DNAAF8: variants seen among roughly 807,000 people sequenced by gnomAD.
DNAAF8 encodes dynein axonemal assembly factor 8, also known as dynein axonemal-associated protein 1.
In DNAAF8, 61 loss-of-function variants were observed where a neutral mutation model predicts 54.6. The observed-to-expected ratio is 1.12, with a 90% CI of 0.91 to 1.38. The LOEUF is 1.38. Ranked by LOEUF, DNAAF8 falls within the 40% of genes most tolerant of loss-of-function variation. The pLI is 0.00. For synonymous variants in DNAAF8, 320 were observed against 270.1 expected (o/e 1.18, Z -1.81); for missense variants, 837 against 665.0 (o/e 1.26, Z -2.85).
Position 4,746,516 on chromosome 16 carries a change from C to A in DNAAF8, c.1181+4C>A. ...CAGACCACCTGTCCCCAGAAAGGTC[C>A]GGAGGGCAGTGACTACCCCATACCA... On this transcript the variant is annotated splice_donor_region_variant and intron_variant, in intron 7 of 9. Transcript: ENST00000299320. 1 of 1,612,394 alleles carries A rather than the reference C, an allele frequency of 6.2e-7. No homozygotes were observed. Among genetic ancestry groups the A allele is most frequent in the South Asian group, 1.1e-5 (1 of 90,930 alleles).
intron 9 of DNAAF8, chr16:4,748,373 G>A (rs2082045976): frequency 6.6e-6 from 1 of 152,036 alleles, no homozygotes; most frequent in Non-Finnish European, 1.5e-5. Flanking sequence ...TTTTGAAAGA[G>A]GAGTAACGAG....
At chr16:4,738,019 G>A (rs1301149097) in intron 3 of DNAAF8, 73 bp downstream of exon 3, 1 of 1,500,224 alleles carries the variant, frequency 6.7e-7, no homozygotes, top group Non-Finnish European at 9.1e-7. Flanking sequence ...CTAAACCACT[G>A]TTCTAGCATT....
intron 3 of DNAAF8, 113 bp downstream of exon 3, chr16:4,738,059 T>C (rs2081918143): frequency 4.6e-6 from 6 of 1,310,108 alleles, no homozygotes; most frequent in Admixed American, 2.7e-5. Context: ...TGGTCCTTTT[T>C]TTTTTCCCCC....
At chr16:4,744,403 G>T (rs1022344520) in intron 5 of DNAAF8, among the ~76,000 whole-genome samples, 9 of 152,150 alleles carry the variant, frequency 5.9e-5, no homozygotes, top group African/African-American at 2.2e-4. Flanking sequence ...GAGGAGTCCA[G>T]CTAGATCGTT....
chr16:4,743,434 T>G, intron 5 of DNAAF8: 27 of 257,934 alleles, frequency 1.0e-4, no homozygotes, highest in East Asian at 2.4e-4. Flanking sequence ...ATACCTCCTC[T>G]TCCCCACCTC....
At chr16:4,745,068 T>C (rs2081997167) in intron 6 of DNAAF8, 57 bp downstream of exon 6, 1 of 1,574,876 alleles carries the variant, frequency 6.3e-7, no homozygotes, top group Non-Finnish European at 8.7e-7. Flanking sequence ...CCCATGGTTT[T>C]GTAGCACTGA....
rs1251402694 is a variant in DNAAF8 at position 4,740,489 on chromosome 16, A to G, written c.613A>G (p.Lys205Glu). 6.2e-7 allele frequency: 1 copy of G among 1,614,068 alleles called. No homozygotes were observed. The highest frequency in any genetic ancestry group is 1.7e-5 in the Admixed American group (1 of 60,018). The change falls in exon 4 of 10, where the codon AAG becomes GAG. Residue 205 changes from lysine (K) to glutamate (E), a missense_variant. Physicochemically the swap from Lys to Glu is moderately conservative, Grantham distance 56. Coordinates refer to ENST00000299320, the MANE Select transcript of DNAAF8 (RefSeq NM_139170.3). ...CCGGGCCCTCCGACAGGAGAGAAGG[A>G]AGATGATAGAGACGGACATCCTCCA... is the stretch of plus-strand genomic sequence containing the variant. ...NRRALRQERR[K>E]MIETDILQKV...
chr16:4,735,151 TCTTC>T (rs1242461086), intron 1 of DNAAF8: 4 of 152,324 alleles, frequency 2.6e-5, no homozygotes, highest in Non-Finnish European at 4.4e-5. Context: ...CTGTACATGC[TCTTC>T]CTTCTGCCGG....
intron 2 of DNAAF8, 98 bp downstream of exon 2, chr16:4,736,741 C>G: frequency 6.4e-6 from 8 of 1,245,426 alleles, no homozygotes; most frequent in Non-Finnish European, 7.4e-6. Context: ...GAAGACTTTT[C>G]CTGCTGACCT....
At chr16:4,742,423 G>A (rs1160426677) in intron 4 of DNAAF8, among the ~76,000 whole-genome samples, 1 of 151,796 alleles carries the variant, frequency 6.6e-6, no homozygotes, top group Non-Finnish European at 1.5e-5. Context: ...GGGCGTGGTG[G>A]CTCACACCTG....
At position 4,746,849 on chromosome 16, in the gene DNAAF8, C is replaced by T. The variant is rs114182209; in HGVS notation, c.1182-78C>T. ...CTTGCATTGGGTCACCAGCAAAGCC[C>T]GAGTGCTTCAAGCCCCAACAAGAGT... On this transcript the variant is annotated intron_variant, in intron 7 of 9. Coordinates refer to ENST00000299320, the MANE Select transcript of DNAAF8 (RefSeq NM_139170.3). 230 of 1,327,462 alleles carry T rather than the reference C, an allele frequency of 1.7e-4. No homozygotes were observed. The African/African-American group carries it at 2.9e-3, about 17-fold the overall frequency. 82.2% of individuals were successfully genotyped at this position (1,327,462 alleles called of 1,614,324 possible).
In DNAAF8 at chr16:4,737,790, T is replaced by A. The variant is rs759762627; in HGVS notation, c.130-10T>A. Reference sequence around the variant, plus strand: ...CCTTGTCCTCCAAAAGCCCTCTCATTTGTCCACAGTCGGACTATGGGGAAG... The same window carrying A: ...CCTTGTCCTCCAAAAGCCCTCTCATATGTCCACAGTCGGACTATGGGGAAG... On this transcript the variant is annotated splice_polypyrimidine_tract_variant and intron_variant, in intron 2 of 9. Transcript: ENST00000299320. 4 of 1,614,026 alleles carry A rather than the reference T, an allele frequency of 2.5e-6. No individual in the cohort carries two copies. The Admixed American group carries it at 6.7e-5, about 27-fold the overall frequency.
chr16:4,744,790 G>A, intron 5 of DNAAF8, 80 bp from the exon 6 acceptor site: 1 of 1,499,014 alleles, frequency 6.7e-7, no homozygotes, highest in Non-Finnish European at 9.1e-7. Context: ...GGAGACCCCA[G>A]GGGTCCTGAG....
chr16:4,738,551 A>G (rs1567495864), intron 3 of DNAAF8, among the ~76,000 whole-genome samples: 1 of 152,218 alleles, frequency 6.6e-6, no homozygotes, highest in East Asian at 1.9e-4. Flanking sequence ...GGTTCCCATG[A>G]GGCCAGGAGT....
Position 4,744,940 on chromosome 16 carries a change from G to C in DNAAF8, c.972G>C (p.Lys324Asn), listed in dbSNP as rs1447978595. 9 of 1,613,808 alleles carry C rather than the reference G, an allele frequency of 5.6e-6. No individual in the cohort carries two copies. The highest frequency in any genetic ancestry group is 2.2e-5 in the East Asian group (1 of 44,892). The change falls in exon 6 of 10, where the codon AAG becomes AAC. Residue 324 changes from lysine to asparagine, a missense_variant. Lys to Asn is a moderately conservative substitution (Grantham distance 94). Transcript: ENST00000299320. ...QLALLCTTQSKASACARKVPA... is the reference protein window; with the variant it reads ...QLALLCTTQSNASACARKVPA... ...CCCTCCTGTGCACCACGCAGTCCAA[G>C]GCCTCTGCTTGTGCCCGGAAGGTGC...
At chr16:4,746,112 A>T in intron 6 of DNAAF8, 2 of 388,680 alleles carry the variant, frequency 5.1e-6, no homozygotes, top group Non-Finnish European at 9.2e-6. Context: ...TTAAATGTAA[A>T]CTTAGCCACT....
At chr16:4,747,181 G>A (rs1209005934) in intron 8 of DNAAF8, 156 bp downstream of exon 8, 18 of 1,201,598 alleles carry the variant, frequency 1.5e-5, no homozygotes, top group East Asian at 4.7e-5. Flanking sequence ...TCCTGCCCAC[G>A]TCCACTGGGT....
chr16:4,745,952 CAA>C (rs58259917), intron 6 of DNAAF8, among the ~76,000 whole-genome samples: 4,151 of 113,456 alleles, frequency 0.037, 67 homozygotes, highest in African/African-American at 0.055. Context: ...GACTCTGTCT[CAA>C]AAAAAAAAAA....
intron 6 of DNAAF8, 134 bp downstream of exon 6, chr16:4,745,145 C>A: frequency 8.7e-7 from 1 of 1,154,778 alleles, no homozygotes; most frequent in Non-Finnish European, 1.2e-6. Flanking sequence ...TCTGATCAGG[C>A]AGTCGCTCCA....
Sources: gnomAD v4.1 joint callset for allele counts (sites outside exome capture counted in the v4.1 genomes callset) on GRCh38, gnomAD v4.1.1 for gene constraint, MANE v1.5 for transcripts, NCBI Gene and HGNC (gene_info 2026-07-23, HGNC 2026-07-21) for gene names.